Variants in SCD observed in about 807,000 individuals in gnomAD.
SCD encodes stearoyl-CoA desaturase.
SCD carries 4 observed loss-of-function variants against 35.7 expected under a neutral mutation model. The observed-to-expected ratio is 0.11, with a 90% CI of 0.06 to 0.26. The LOEUF is 0.26. Ranked by LOEUF, SCD falls within the 10% of genes least tolerant of loss-of-function variation. The pLI, the probability that SCD is intolerant of heterozygous loss-of-function variation, is 1.00. For synonymous variants in SCD, 150 were observed against 170.2 expected (o/e 0.88, Z 0.92); for missense variants, 282 against 460.7 (o/e 0.61, Z 3.55).
At chr10:100,354,023 C>T (rs1332191490) in intron 3 of SCD, among the ~76,000 whole-genome samples, 1 of 152,166 alleles carries the variant, frequency 6.6e-6, no homozygotes, top group Non-Finnish European at 1.5e-5. Context: ...TGATTGAGAC[C>T]CTAGGACACA....
At position 100,354,642 on chromosome 10, in the gene SCD, G is replaced by A. The variant is rs1849908593; in HGVS notation, c.647+10G>A. ...TGATGTTCCAGAGGAGGTGAGTGAAGCCCTGATGGAGGTGGGGATATGGCC... is the reference window on the plus strand; with the variant it reads ...TGATGTTCCAGAGGAGGTGAGTGAAACCCTGATGGAGGTGGGGATATGGCC... On this transcript the variant is annotated intron_variant, in intron 4 of 5. Coordinates refer to ENST00000370355, the MANE Select transcript of SCD (RefSeq NM_005063.5). The A allele has an allele frequency of 6.8e-6, 11 of 1,610,970 alleles. No individual in the cohort carries two copies. Among genetic ancestry groups the A allele is most frequent in the Non-Finnish European group, 8.5e-6 (10 of 1,177,224 alleles).
chr10:100,351,199 T>C (rs1448777515), intron 2 of SCD, among the ~76,000 whole-genome samples: 2 of 152,122 alleles, frequency 1.3e-5, no homozygotes, highest in Admixed American at 6.6e-5. Flanking sequence ...CAGAGGAAGA[T>C]ATGGGGACGC....
intron 5 of SCD, among the ~76,000 whole-genome samples, chr10:100,358,560 C>A (rs1411178638): frequency 6.9e-6 from 1 of 145,976 alleles, no homozygotes; most frequent in Non-Finnish European, 1.5e-5. Context: ...CCACTGCAGT[C>A]CGCAGTCCGG....
Position 100,356,513 on chromosome 10 carries a change from G to A in SCD, c.648-19G>A, listed in dbSNP as rs780340073. On this transcript the variant is annotated intron_variant, in intron 4 of 5. Coordinates refer to ENST00000370355, the MANE Select transcript of SCD (RefSeq NM_005063.5). This position sits in a 1 kb window ranked among gnomAD's most constrained non-coding sequence, Gnocchi z 4.1. ...TGGAGTCCCCCTCCATTGACCTGGT[G>A]TCTGGTCTGTCAATGTAGGTACTAC... is the stretch of plus-strand genomic sequence containing the variant. The A allele has an allele frequency of 1.9e-6, 3 of 1,589,832 alleles. No homozygotes were observed. The South Asian group carries it at 3.3e-5, about 18-fold the overall frequency.
At chr10:100,357,315 G>A (rs1289527847) in intron 5 of SCD, among the ~76,000 whole-genome samples, 3 of 152,194 alleles carry the variant, frequency 2.0e-5, no homozygotes, top group Non-Finnish European at 2.9e-5. Context: ...AGTAAGCCTG[G>A]TGTTTTATGA....
At chr10:100,349,616 T>A (rs1205515730) in intron 2 of SCD, among the ~76,000 whole-genome samples, 4 of 152,136 alleles carry the variant, frequency 2.6e-5, no homozygotes, top group Non-Finnish European at 5.9e-5. Context: ...TTTGTCAGGA[T>A]CTCAGTTTTT....
rs187699275 is a variant in SCD, at chr10:100,352,751, C to T, written c.441+255C>T. On this transcript the variant is annotated intron_variant, in intron 3 of 5. Transcript: ENST00000370355. The surrounding 1 kb of genome is among the most constrained non-coding windows in gnomAD (Gnocchi z 4.2). ...AGGAATATTTTTGATCCTAAGGTCC[C>T]TGTGTTGTCACACAATCTGGCCGTT... 1.8e-4 allele frequency among the ~76,000 whole-genome samples: 27 copies of T among 152,330 alleles called. No individual in the cohort carries two copies. Among genetic ancestry groups the T allele is most frequent in the Admixed American group, 1.7e-3 (26 of 15,294 alleles).
intron 2 of SCD, among the ~76,000 whole-genome samples, chr10:100,350,937 C>T (rs1413398338): frequency 3.9e-5 from 6 of 152,084 alleles, no homozygotes; most frequent in Admixed American, 2.0e-4. Context: ...CTGTGGCTCT[C>T]CTGGAGATCT....
chr10:100,350,031 C>CA (rs1343321498), intron 2 of SCD, among the ~76,000 whole-genome samples: 1 of 152,104 alleles, frequency 6.6e-6, no homozygotes, highest in Non-Finnish European at 1.5e-5. Context: ...GTTGCTACTG[C>CA]AAGGAGCAGA....
At position 100,356,837 on chromosome 10, in the gene SCD, A is replaced by C; in HGVS notation, c.880+73A>C. On this transcript the variant is annotated intron_variant, in intron 5 of 5. Coordinates refer to ENST00000370355, the MANE Select transcript of SCD (RefSeq NM_005063.5). This position sits in a 1 kb window ranked among gnomAD's most constrained non-coding sequence, Gnocchi z 4.1. The stretch of plus-strand genomic sequence containing the variant: ...GGGGATTAGGCTAGGAGCCAGAAAA[A>C]CTAGATAAATCTGTTTTTTATGGCT... 8.1e-7 allele frequency: 1 copy of C among 1,237,330 alleles called. No homozygotes were observed. The highest frequency in any genetic ancestry group is 1.2e-6 in the Non-Finnish European group (1 of 857,662). The allele number at this position is 1,237,330 out of a possible 1,614,324, so 76.6% of individuals were successfully genotyped here.
chr10:100,364,436 A>G lies in SCD; in HGVS notation c.*3503A>G, dbSNP rs1460639163. On this transcript the variant is annotated 3_prime_UTR_variant, in exon 6 of 6. Coordinates refer to ENST00000370355, the MANE Select transcript of SCD (RefSeq NM_005063.5). The stretch of plus-strand genomic sequence containing the variant: ...TTTTGAGGCATGACTAATGCTTTTT[A>G]GAAAGCATTTTGGGATCCTTCAGCA... 1 of 152,638 alleles carries G rather than the reference A, an allele frequency of 6.6e-6. No homozygotes were observed. Among genetic ancestry groups the G allele is most frequent in the East Asian group, 1.9e-4 (1 of 5,192 alleles). The allele number at this position is 152,638 out of a possible 1,614,324, so 9.5% of individuals were successfully genotyped here. A position where few individuals can be genotyped will look rare whatever the true frequency, so the allele number is the denominator to read the frequency against.
At chr10:100,347,936 C>T in intron 1 of SCD, 128 bp from the exon 2 acceptor site, 1 of 922,338 alleles carries the variant, frequency 1.1e-6, no homozygotes, top group Non-Finnish European at 1.7e-6. Flanking sequence ...ACCCTACCCT[C>T]AGTGAACTAC....
intron 5 of SCD, among the ~76,000 whole-genome samples, chr10:100,358,254 G>A (rs1000077946): frequency 6.6e-6 from 1 of 152,030 alleles, no homozygotes; most frequent in African/African-American, 2.4e-5. Flanking sequence ...TCCTGCCTTG[G>A]CCTCCCAAAG....
chr10:100,349,893 C>A (rs917687021), intron 2 of SCD, among the ~76,000 whole-genome samples: 4 of 152,146 alleles, frequency 2.6e-5, no homozygotes, highest in African/African-American at 9.7e-5. Flanking sequence ...TCTCTCCACC[C>A]TTTCTCCCCA....
chr10:100,348,403 A>T, intron 2 of SCD, 57 bp downstream of exon 2: 1 of 1,532,330 alleles, frequency 6.5e-7, no homozygotes, highest in South Asian at 1.2e-5. Flanking sequence ...TGCTCTTTTA[A>T]TAAGGTAGGA....
At chr10:100,358,980 T>G (rs953024237) in intron 5 of SCD, among the ~76,000 whole-genome samples, 3 of 152,054 alleles carry the variant, frequency 2.0e-5, no homozygotes, top group Non-Finnish European at 4.4e-5. Context: ...CTTTCACATA[T>G]CTCTTTTCAG....
chr10:100,348,671 C>A (rs1478279907), intron 2 of SCD, among the ~76,000 whole-genome samples: 1 of 152,070 alleles, frequency 6.6e-6, no homozygotes. Flanking sequence ...CCCTGCCAGC[C>A]ACAAAAGAAT....
Position 100,361,142 on chromosome 10 carries a change from C to T in SCD, c.*209C>T. On this transcript the variant is annotated 3_prime_UTR_variant, in exon 6 of 6. Transcript: ENST00000370355. ...CTGATATTATTTCTTCTCTTATCCT[C>T]TCTCTCTTCTAGGCCCATTGTCCTC... 1 of 573,400 alleles carries T rather than the reference C, an allele frequency of 1.7e-6. No individual in the cohort carries two copies. Among genetic ancestry groups the T allele is most frequent in the South Asian group, 2.1e-5 (1 of 47,562 alleles). 35.5% of individuals were successfully genotyped at this position (573,400 alleles called of 1,614,324 possible).
chr10:100,349,678 T>C (rs933180115), intron 2 of SCD, among the ~76,000 whole-genome samples: 8 of 152,174 alleles, frequency 5.3e-5, no homozygotes, highest in Admixed American at 6.5e-5. Flanking sequence ...GAAGGTAGCA[T>C]TCCTTGGGTT....
Sources: gnomAD v4.1 joint callset for allele counts (sites outside exome capture counted in the v4.1 genomes callset) on GRCh38, gnomAD v4.1.1 for gene constraint, Gnocchi (gnomAD v3.1) non-coding constraint, MANE v1.5 for transcripts, NCBI Gene and HGNC (gene_info 2026-07-23, HGNC 2026-07-21) for gene names.